The following TARS2 variants were observed in gnomAD, a reference collection of about 807,000 sequenced individuals.
TARS2 encodes the protein threonyl-tRNA synthetase 2, mitochondrial.
Under a neutral mutation model 94.4 loss-of-function variants are expected in TARS2, and 61 were observed. The ratio of observed to expected loss-of-function variants is 0.65; its 90% CI spans 0.53 to 0.80. The LOEUF (loss-of-function observed/expected upper bound fraction) is 0.80. Among genes scored for constraint, TARS2 ranks in the 30% least tolerant of loss-of-function variants. TARS2 has a pLI of 0.00. For synonymous variants in TARS2, 359 were observed against 353.4 expected (o/e 1.02, Z -0.18); for missense variants, 704 against 902.5 (o/e 0.78, Z 2.82).
At chr1:150,487,809 G>A (rs1669214835) in intron 1 of TARS2, 49 bp from the exon 2 acceptor site, 1 of 1,581,476 alleles carries the variant, frequency 6.3e-7, no homozygotes, top group Non-Finnish European at 8.6e-7. Context: ...GCAATTCTAA[G>A]AAAGAATGAT....
Position 150,505,654 on chromosome 1 carries a change from C to G in TARS2, c.1957C>G (p.Leu653Val). ...SDLDADSGLT[L>V]SRRIRRAQLA... ...CCTGGATGCAGACTCTGGACTGACC[C>G]TCAGCCGGAGAATCCGCCGGGCCCA... The change falls in exon 17 of 18, where the codon CTC becomes GTC. Residue 653 changes from leucine (L) to valine (V), a missense_variant. Physicochemically the swap from Leu to Val is conservative, Grantham distance 32. Transcript: ENST00000369064. The G allele has an allele frequency of 6.2e-7, 1 of 1,614,178 alleles. No individual in the cohort carries two copies. Among genetic ancestry groups the G allele is most frequent in the Non-Finnish European group, 8.5e-7 (1 of 1,180,014 alleles).
At chr1:150,500,782 C>G (rs587730865) in intron 13 of TARS2, among the ~76,000 whole-genome samples, 1 of 152,190 alleles carries the variant, frequency 6.6e-6, no homozygotes, top group East Asian at 1.9e-4. Flanking sequence ...CGAGGTCGCA[C>G]CACTGCACTC....
At chr1:150,492,809 C>CAAA (rs750302051) in intron 7 of TARS2, among the ~76,000 whole-genome samples, 1 of 67,276 alleles carries the variant, frequency 1.5e-5, no homozygotes, top group Admixed American at 1.8e-4. Context: ...GAGTCCATCT[C>CAAA]AAAAAAAAAA....
At chr1:150,494,200 C>T (rs1669537311) in intron 7 of TARS2, among the ~76,000 whole-genome samples, 1 of 151,282 alleles carries the variant, frequency 6.6e-6, no homozygotes, top group East Asian at 1.9e-4. Context: ...AACCCTGTCT[C>T]TACTAAAAAT....
intron 3 of TARS2, chr1:150,489,329 C>A (rs1022450110): frequency 1.2e-5 from 6 of 497,184 alleles, no homozygotes; most frequent in Middle Eastern, 5.9e-4. Flanking sequence ...GTTGAAAAAA[C>A]GAAAGGATAA....
At chr1:150,487,593 C>G in intron 1 of TARS2, 77 bp downstream of exon 1, 1 of 1,579,902 alleles carries the variant, frequency 6.3e-7, no homozygotes, top group Non-Finnish European at 8.6e-7. Context: ...TATGTTAACC[C>G]AGCCTCACGC....
At chr1:150,505,094 C>A (rs1670143168) in intron 16 of TARS2, 116 bp downstream of exon 16, 1 of 1,013,924 alleles carries the variant, frequency 9.9e-7, no homozygotes, top group East Asian at 2.6e-5. Context: ...GCCCTCACAG[C>A]CACAAGACTG....
intron 17 of TARS2, 81 bp downstream of exon 17, chr1:150,505,786 T>A: frequency 7.3e-7 from 1 of 1,375,906 alleles, no homozygotes; most frequent in African/African-American, 1.4e-5. Context: ...TGGTAATGCA[T>A]ATTTGGGTTA....
At chr1:150,504,801 C>T in intron 15 of TARS2, 68 bp downstream of exon 15, 1 of 1,605,264 alleles carries the variant, frequency 6.2e-7, no homozygotes, top group East Asian at 2.2e-5. Context: ...ATCCTGTCCC[C>T]CTTCATATGC....
At chr1:150,489,824 C>A (rs909801937) in intron 3 of TARS2, among the ~76,000 whole-genome samples, 10 of 152,226 alleles carry the variant, frequency 6.6e-5, no homozygotes, top group African/African-American at 2.4e-4. Flanking sequence ...CACTTGTCAT[C>A]CCAGCTAATT....
At position 150,498,951 on chromosome 1, in the gene TARS2, CT is replaced by C. The variant is rs747766650; in HGVS notation, c.1458del (p.Gly487AlafsTer33). 6.2e-7 allele frequency: 1 copy of C among 1,614,228 alleles called. No individual in the cohort carries two copies. Among genetic ancestry groups the C allele is most frequent in the Non-Finnish European group, 8.5e-7 (1 of 1,180,052 alleles). ...LDFLRSVYAV[L>X]GFSFRLALST... ...TTTCCTCCGTTCCGTCTATGCCGTT[CT>C]TGGCTTCTCCTTCCGCCTGGCACTG... On this transcript the variant is annotated frameshift_variant, in exon 12 of 18. Coordinates refer to ENST00000369064, the MANE Select transcript of TARS2 (RefSeq NM_025150.5). LOFTEE classifies it high-confidence loss of function.
rs201205996 is a variant in TARS2, at chr1:150,497,715, C to T, written c.1206C>T (p.Leu402=). The change falls in exon 10 of 18, where the codon CTC becomes CTT. Residue 402 remains leucine (L), a synonymous_variant. Transcript: ENST00000369064. ...DDSTRHITDT[L]ALKPMNCPAH... is the part of the protein sequence containing the mutation. Reference sequence around the variant, plus strand: ...CTACCAGGCATATCACAGATACACTCGCCCTCAAGCCTATGAACTGCCCTG... The same window carrying T: ...CTACCAGGCATATCACAGATACACTTGCCCTCAAGCCTATGAACTGCCCTG... The T allele has an allele frequency of 1.3e-5, 21 of 1,613,924 alleles. No homozygotes were observed. Among genetic ancestry groups the T allele is most frequent in the African/African-American group, 1.1e-4 (8 of 74,900 alleles).
chr1:150,505,824 G>A, intron 17 of TARS2, 119 bp downstream of exon 17: 2 of 908,160 alleles, frequency 2.2e-6, no homozygotes, highest in Non-Finnish European at 3.3e-6. Flanking sequence ...GAGCAGGTAG[G>A]AGCCAGGATT....
intron 10 of TARS2, 139 bp downstream of exon 10, chr1:150,497,886 G>C (rs2102493279): frequency 1.2e-6 from 1 of 807,886 alleles, no homozygotes; most frequent in East Asian, 2.9e-5. Flanking sequence ...GAGGTCGGGA[G>C]TTTGAGACCA....
At chr1:150,496,181 A>G (rs1388045698) in intron 7 of TARS2, among the ~76,000 whole-genome samples, 1 of 152,204 alleles carries the variant, frequency 6.6e-6, no homozygotes, top group Admixed American at 6.5e-5. Context: ...TATTCCTCTA[A>G]GCAGTCATTG....
At position 150,505,637 on chromosome 1, in the gene TARS2, C is replaced by T; in HGVS notation, c.1940C>T (p.Ala647Val). Reference protein sequence around the residue: ...RAAGLVSDLDADSGLTLSRRI... With the variant: ...RAAGLVSDLDVDSGLTLSRRI... ...GCAGGACTGGTCAGTGACCTGGATGCAGACTCTGGACTGACCCTCAGCCGG... is the reference window on the plus strand; with the variant it reads ...GCAGGACTGGTCAGTGACCTGGATGTAGACTCTGGACTGACCCTCAGCCGG... Residue 647 changes from alanine to valine, a missense_variant, in exon 17 of 18, where the codon GCA (alanine) becomes GTA (valine). Physicochemically the swap from Ala to Val is moderately conservative, Grantham distance 64. Transcript: ENST00000369064. 1 of 1,614,188 alleles carries T rather than the reference C, an allele frequency of 6.2e-7. No homozygotes were observed.
Position 150,487,474 on chromosome 1 carries a change from G to T in TARS2, c.24G>T (p.Arg8=), listed in dbSNP as rs769017823. Residue 8 remains arginine, a synonymous_variant, in exon 1 of 18, where the codon CGG becomes CGT. Coordinates refer to ENST00000369064, the MANE Select transcript of TARS2 (RefSeq NM_025150.5). MALYQRW[R]CLRLQGLQAC... ...ACATGGCCCTGTATCAGAGGTGGCGGTGTCTCCGGCTCCAAGGTTTACAGG... is the reference window on the plus strand; with the variant it reads ...ACATGGCCCTGTATCAGAGGTGGCGTTGTCTCCGGCTCCAAGGTTTACAGG... 1.2e-6 allele frequency: 2 copies of T among 1,614,142 alleles called. No homozygotes were observed. The highest frequency in any genetic ancestry group is 1.7e-6 in the Non-Finnish European group (2 of 1,180,062).
At chr1:150,503,708 TACAC>T (rs199826529) in intron 13 of TARS2, among the ~76,000 whole-genome samples, 12,220 of 146,234 alleles carry the variant, frequency 0.084, 649 homozygotes, top group African/African-American at 0.11. Context: ...TGTGTATATA[TACAC>T]ACACACACAC....
chr1:150,501,954 C>T (rs1248118987), intron 13 of TARS2, among the ~76,000 whole-genome samples: 1 of 151,802 alleles, frequency 6.6e-6, no homozygotes, highest in Non-Finnish European at 1.5e-5. Context: ...GCTCTGTCGC[C>T]CAGGTTGGAG....
Sources: gnomAD v4.1 joint callset for allele counts (sites outside exome capture counted in the v4.1 genomes callset) on GRCh38, gnomAD v4.1.1 for gene constraint, MANE v1.5 for transcripts, NCBI Gene and HGNC (gene_info 2026-07-23, HGNC 2026-07-21) for gene names.